CDIN1: variants seen among roughly 807,000 people sequenced by gnomAD.
The protein encoded by CDIN1 is CDAN1-interacting nuclease 1.
CDIN1 carries 33 observed loss-of-function variants against 45.3 expected under a neutral mutation model. The ratio of observed to expected loss-of-function variants is 0.73; its 90% CI spans 0.55 to 0.97. The LOEUF (loss-of-function observed/expected upper bound fraction) is 0.97. CDIN1 is among the 50% of genes least tolerant of loss of function. The pLI, the probability that CDIN1 is intolerant of heterozygous loss-of-function variation, is 0.00. For synonymous variants in CDIN1, 118 were observed against 124.4 expected (o/e 0.95, Z 0.34); for missense variants, 303 against 339.4 (o/e 0.89, Z 0.84).
intron 1 of CDIN1, among the ~76,000 whole-genome samples, chr15:36,592,064 C>T (rs1467585030): frequency 4.0e-5 from 6 of 149,114 alleles, no homozygotes; most frequent in Non-Finnish European, 7.4e-5. Flanking sequence ...CTTTAGAAAG[C>T]AGCTCTAGAT....
chr15:36,783,166 A>C (rs534073170), intron 10 of CDIN1, among the ~76,000 whole-genome samples: 1 of 152,310 alleles, frequency 6.6e-6, no homozygotes, highest in East Asian at 1.9e-4. Flanking sequence ...CTAATTTTCT[A>C]AAATAGGTTT....
intron 10 of CDIN1, among the ~76,000 whole-genome samples, chr15:36,758,885 A>T (rs2053681353): frequency 6.6e-6 from 1 of 152,206 alleles, no homozygotes; most frequent in Non-Finnish European, 1.5e-5. Flanking sequence ...GTTAAACCTA[A>T]CCAAATAGGT....
chr15:36,628,669 G>A (rs2039552887), intron 1 of CDIN1, among the ~76,000 whole-genome samples: 1 of 152,102 alleles, frequency 6.6e-6, no homozygotes, highest in Non-Finnish European at 1.5e-5. Context: ...GCTGGGATGG[G>A]GCAAATGTAT....
chr15:36,640,560 G>A (rs2040066157), intron 1 of CDIN1: 1 of 892,136 alleles, frequency 1.1e-6, no homozygotes, highest in African/African-American at 1.8e-5. Flanking sequence ...CTATAGAAAA[G>A]GAGCTTTAAG....
intron 10 of CDIN1, among the ~76,000 whole-genome samples, chr15:36,717,147 T>C (rs2043243220): frequency 6.6e-6 from 1 of 152,218 alleles, no homozygotes; most frequent in Non-Finnish European, 1.5e-5. Flanking sequence ...CGAGAGCCTA[T>C]ATTCTGTATT....
At chr15:36,629,592 A>G (rs148772628) in intron 1 of CDIN1, among the ~76,000 whole-genome samples, 11 of 152,316 alleles carry the variant, frequency 7.2e-5, no homozygotes, top group African/African-American at 1.7e-4. Flanking sequence ...TTGAGTAAGA[A>G]TTGATACCAT....
intron 5 of CDIN1, among the ~76,000 whole-genome samples, chr15:36,671,715 G>A (rs1011077452): frequency 2.8e-4 from 42 of 152,002 alleles, no homozygotes; most frequent in African/African-American, 8.0e-4. Context: ...TAGTTCATTC[G>A]TCAGGCACCG....
intron 10 of CDIN1, among the ~76,000 whole-genome samples, chr15:36,727,075 A>C (rs1180425255): frequency 1.4e-4 from 21 of 152,092 alleles, no homozygotes; most frequent in Admixed American, 1.4e-3. Flanking sequence ...AGAAAAAAAT[A>C]TATTCTATCA....
At chr15:36,672,934 A>G (rs1278162804) in intron 5 of CDIN1, among the ~76,000 whole-genome samples, 1 of 152,076 alleles carries the variant, frequency 6.6e-6, no homozygotes, top group East Asian at 1.9e-4. Flanking sequence ...CTTGACAAGT[A>G]TACTAATTAC....
chr15:36,736,892 C>A (rs1010700972), intron 10 of CDIN1, among the ~76,000 whole-genome samples: 1 of 152,044 alleles, frequency 6.6e-6, no homozygotes, highest in Non-Finnish European at 1.5e-5. Context: ...ACTGGCCGGG[C>A]ACAGTGGCTC....
chr15:36,777,406 G>GAAA (rs61343212), intron 10 of CDIN1, among the ~76,000 whole-genome samples: 1 of 118,748 alleles, frequency 8.4e-6, no homozygotes, highest in Non-Finnish European at 1.8e-5. Context: ...TTTTAGATCT[G>GAAA]AAAAAAAAAA....
At position 36,800,913 on chromosome 15, in the gene CDIN1, A is replaced by G. The variant is rs866835720; in HGVS notation, c.717-7411A>G. Among the ~76,000 whole-genome samples the G allele has an allele frequency of 3.8e-3, 271 of 71,764 alleles. 1 individual carries two copies. Among genetic ancestry groups the G allele is most frequent in the South Asian group, 0.019 (34 of 1,794 alleles). The allele number at this position is 71,764 out of a possible 152,430, so 47.1% of individuals were successfully genotyped here. On this transcript the variant is annotated intron_variant, in intron 10 of 10. Coordinates refer to ENST00000566621, the MANE Select transcript of CDIN1 (RefSeq NM_001321759.2). ...TGTGTGTGTGTGTGTGTGTGTGTAT[A>G]TATATATATATATATATATATATAT...
intron 5 of CDIN1, among the ~76,000 whole-genome samples, chr15:36,673,938 T>C (rs2041547102): frequency 1.3e-5 from 2 of 152,054 alleles, no homozygotes; most frequent in South Asian, 2.1e-4. Context: ...GATTTTTTTT[T>C]CCTGAAAGTA....
intron 8 of CDIN1, among the ~76,000 whole-genome samples, chr15:36,699,537 G>T (rs950910697): frequency 1.2e-4 from 18 of 151,904 alleles, no homozygotes; most frequent in African/African-American, 4.4e-4. Context: ...CTCTCTCTCT[G>T]TTGGCTTCTA....
chr15:36,581,066 A>G (rs1314637343), intron 1 of CDIN1, among the ~76,000 whole-genome samples: 1 of 152,224 alleles, frequency 6.6e-6, no homozygotes, highest in Non-Finnish European at 1.5e-5. Context: ...GATTTAGGGC[A>G]ATATTTATCC....
At chr15:36,644,398 T>C in intron 2 of CDIN1, 75 bp downstream of exon 2, 1 of 1,460,002 alleles carries the variant, frequency 6.8e-7, no homozygotes, top group Non-Finnish European at 9.5e-7. Flanking sequence ...TTCTTTGTAA[T>C]TGAACTGCCA....
intron 10 of CDIN1, among the ~76,000 whole-genome samples, chr15:36,725,966 G>A (rs1169756967): frequency 6.6e-6 from 1 of 152,140 alleles, no homozygotes; most frequent in Non-Finnish European, 1.5e-5. Context: ...CATTTAGATT[G>A]CACTTTGCAA....
chr15:36,792,566 GAC>G (rs926292771), intron 10 of CDIN1, among the ~76,000 whole-genome samples: 39 of 142,790 alleles, frequency 2.7e-4, no homozygotes, highest in African/African-American at 8.4e-4. Flanking sequence ...TTTTTTGAAT[GAC>G]AGTCTTTTTT....
At position 36,689,912 on chromosome 15, in the gene CDIN1, A is replaced by T. The variant is rs1216203187; in HGVS notation, c.347-1773A>T. On this transcript the variant is annotated intron_variant, in intron 5 of 10. Transcript: ENST00000566621. ...TCTTCTCTAGAGACCACACAAGAAC[A>T]CTTTATTTCGGTAGTCAGCTTAAAT... Among the ~76,000 whole-genome samples the T allele has an allele frequency of 3.3e-5, 5 of 152,154 alleles. No individual in the cohort carries two copies. The East Asian group carries it at 9.6e-4, about 29-fold the overall frequency.
Sources: allele counts gnomAD v4.1 joint callset (sites outside exome capture counted in the v4.1 genomes callset), GRCh38; gene constraint gnomAD v4.1.1; transcripts MANE v1.5; gene names NCBI Gene and HGNC (gene_info 2026-07-23, HGNC 2026-07-21).